AFG2A: variants seen among roughly 807,000 people sequenced by gnomAD.
AFG2A encodes AAA ATPase AFG2A, also known as ATPase family gene 2 protein homolog A.
chr4:123,239,101 A>G, the AFG2A span, among the ~76,000 whole-genome samples: 1 of 152,204 alleles, frequency 6.6e-6, no homozygotes. Flanking sequence ...TTGAAGATCA[A>G]ATGAAAGAAA....
the AFG2A span, among the ~76,000 whole-genome samples, chr4:123,111,563 A>G: frequency 3.3e-5 from 5 of 152,140 alleles, no homozygotes; most frequent in African/African-American, 7.2e-5. Context: ...CTCCCTTTCT[A>G]TGTCTTATCA....
the AFG2A span, chr4:122,935,697 T>C: frequency 3.2e-6 from 5 of 1,559,030 alleles, no homozygotes; most frequent in Non-Finnish European, 4.3e-6. Flanking sequence ...TCTAGTGTTT[T>C]CTACTTTTTC....
At chr4:123,183,211 G>T in the AFG2A span, among the ~76,000 whole-genome samples, 1 of 152,112 alleles carries the variant, frequency 6.6e-6, no homozygotes, top group Non-Finnish European at 1.5e-5. Context: ...ATGAATTTCA[G>T]CAATTTATTT....
At chr4:123,017,174 GA>G in the AFG2A span, among the ~76,000 whole-genome samples, 1 of 41,456 alleles carries the variant, frequency 2.4e-5, no homozygotes, top group African/African-American at 7.4e-5. Flanking sequence ...GGGAGAGGGA[GA>G]GGGGGGAGAG....
the AFG2A span, among the ~76,000 whole-genome samples, chr4:122,928,750 A>G: frequency 1.8e-4 from 27 of 151,816 alleles, no homozygotes; most frequent in African/African-American, 6.5e-4. Flanking sequence ...ATCTTTTTTC[A>G]TATATTTTTC....
At chr4:123,024,505 C>G in the AFG2A span, among the ~76,000 whole-genome samples, 1 of 152,172 alleles carries the variant, frequency 6.6e-6, no homozygotes, top group African/African-American at 2.4e-5. Flanking sequence ...CCAGTTCCTC[C>G]TCGGAGTCTG....
chr4:123,304,591 A>C, the AFG2A span, among the ~76,000 whole-genome samples: 1 of 152,224 alleles, frequency 6.6e-6, no homozygotes, highest in East Asian at 1.9e-4. Context: ...TCCAGACAGA[A>C]GATGCTTTTA....
At chr4:123,099,527 CAG>C in the AFG2A span, among the ~76,000 whole-genome samples, 3,555 of 151,314 alleles carry the variant, frequency 0.023, 49 homozygotes, top group South Asian at 0.052. Flanking sequence ...GAATGAGCCA[CAG>C]AGTTTTTTTT....
At chr4:122,924,408 C>T in the AFG2A span, among the ~76,000 whole-genome samples, 4 of 152,138 alleles carry the variant, frequency 2.6e-5, no homozygotes, top group African/African-American at 9.7e-5. Context: ...GTGTGGTCTC[C>T]GAGCATCTCC....
the AFG2A span, among the ~76,000 whole-genome samples, chr4:122,948,383 A>AGT: frequency 1.9e-5 from 2 of 107,182 alleles, no homozygotes; most frequent in Middle Eastern, 4.3e-3. Flanking sequence ...ACTTCTCCAG[A>AGT]GTATACACAC....
the AFG2A span, among the ~76,000 whole-genome samples, chr4:123,296,105 C>A: frequency 6.6e-6 from 1 of 151,236 alleles, no homozygotes; most frequent in Non-Finnish European, 1.5e-5. Context: ...TCATAAGTGG[C>A]TACTAACACA....
At chr4:123,251,996 A>G in the AFG2A span, among the ~76,000 whole-genome samples, 2 of 152,226 alleles carry the variant, frequency 1.3e-5, no homozygotes, top group East Asian at 3.9e-4. Context: ...CCAAAGTGGA[A>G]AAGAAATATT....
chr4:123,285,997 C>T, the AFG2A span, among the ~76,000 whole-genome samples: 3 of 152,134 alleles, frequency 2.0e-5, no homozygotes, highest in African/African-American at 7.2e-5. Flanking sequence ...CATTTTGTTT[C>T]TCATATGTCA....
chr4:123,311,767 C>T, the AFG2A span, among the ~76,000 whole-genome samples: 1 of 151,212 alleles, frequency 6.6e-6, no homozygotes, highest in African/African-American at 2.5e-5. Context: ...AATGATATAA[C>T]ATTTCCCACT....
chr4:122,949,314 C>T, the AFG2A span, among the ~76,000 whole-genome samples: 1 of 152,170 alleles, frequency 6.6e-6, no homozygotes, highest in Non-Finnish European at 1.5e-5. Flanking sequence ...TAACTTGCTC[C>T]TTTACCAGGC....
At chr4:123,097,412 A>C in the AFG2A span, among the ~76,000 whole-genome samples, 1 of 151,770 alleles carries the variant, frequency 6.6e-6, no homozygotes, top group Admixed American at 6.6e-5. Context: ...CAAATGAATC[A>C]TAATTCTTTA....
chr4:123,108,102 A>G, the AFG2A span, among the ~76,000 whole-genome samples: 1 of 151,914 alleles, frequency 6.6e-6, no homozygotes, highest in African/African-American at 2.4e-5. Flanking sequence ...AGAGCTTGCA[A>G]CTCTAGCCGC....
At chr4:123,107,138 G>A in the AFG2A span, among the ~76,000 whole-genome samples, 10 of 152,332 alleles carry the variant, frequency 6.6e-5, no homozygotes, top group East Asian at 1.9e-4. Context: ...GCCTCAGGGA[G>A]CCCCTAGGTC....
the AFG2A span, among the ~76,000 whole-genome samples, chr4:123,003,807 C>T: frequency 6.6e-6 from 1 of 152,106 alleles, no homozygotes; most frequent in Admixed American, 6.5e-5. Flanking sequence ...TCTCCAGCTG[C>T]GTGCTGGGAA....
Sources: gnomAD v4.1 joint callset for allele counts (sites outside exome capture counted in the v4.1 genomes callset) on GRCh38, gnomAD v4.1.1 for gene constraint, MANE v1.5 for transcripts, NCBI Gene and HGNC (gene_info 2026-07-23, HGNC 2026-07-21) for gene names.